The following TTC3 variants were observed in gnomAD, a reference collection of about 807,000 sequenced individuals.
TTC3 encodes E3 ubiquitin-protein ligase TTC3.
Under a neutral mutation model 249.6 loss-of-function variants are expected in TTC3, and 180 were observed. The ratio of observed to expected loss-of-function variants is 0.72; its 90% CI spans 0.64 to 0.82. The LOEUF is 0.82. TTC3 is among the 40% of genes least tolerant of loss of function. The pLI is 0.00. For missense variants in TTC3, 2,061 were observed against 2,398.4 expected, an observed-to-expected ratio of 0.86 and a Z score of 2.94; for synonymous variants, 717 against 805.0, an observed-to-expected ratio of 0.89 and a Z score of 1.85.
At chr21:37,128,849 C>T (rs1342816073) in intron 15 of TTC3, among the ~76,000 whole-genome samples, 154 bp from the exon 16 acceptor site, 1 of 151,838 alleles carries the variant, frequency 6.6e-6, no homozygotes, top group African/African-American at 2.4e-5. Context: ...TCATCAGTAG[C>T]TTCTTTTTTG....
intron 27 of TTC3, among the ~76,000 whole-genome samples, chr21:37,154,674 A>G (rs776204947): frequency 3.9e-5 from 6 of 152,114 alleles, no homozygotes; most frequent in Non-Finnish European, 8.8e-5. Context: ...GTCTTTTGAT[A>G]TAAACCATGT....
intron 22 of TTC3, 22 bp from the exon 23 acceptor site, chr21:37,148,524 A>T: frequency 1.4e-6 from 2 of 1,474,962 alleles, no homozygotes; most frequent in Non-Finnish European, 1.8e-6. Context: ...AACGTTAATT[A>T]AAAAATTTTT....
exon 2 of TTC3, chr21:37,087,303 T>C: frequency 6.2e-7 from 1 of 1,614,104 alleles, no homozygotes; most frequent in South Asian, 1.1e-5. Context: ...GGATTATGCC[T>C]TGTTAGAAGA....
chr21:37,115,943 G>T (rs142108939), intron 11 of TTC3, among the ~76,000 whole-genome samples: 2 of 152,090 alleles, frequency 1.3e-5, no homozygotes, highest in African/African-American at 4.8e-5. Context: ...CACTTCCTAC[G>T]CATTTCTTAT....
intron 10 of TTC3, among the ~76,000 whole-genome samples, chr21:37,104,416 C>G (rs1052922217): frequency 6.6e-6 from 1 of 151,868 alleles, no homozygotes; most frequent in African/African-American, 2.4e-5. Flanking sequence ...ATGGTGAAAC[C>G]CTTTCTCTAC....
At chr21:37,170,045 G>A (rs1340771016) in intron 34 of TTC3, among the ~76,000 whole-genome samples, 1 of 151,576 alleles carries the variant, frequency 6.6e-6, no homozygotes, top group Non-Finnish European at 1.5e-5. Context: ...AAGTATCCAG[G>A]AAAAAAACGG....
At chr21:37,179,706 G>A (rs1193193810) in intron 35 of TTC3, among the ~76,000 whole-genome samples, 2 of 151,884 alleles carry the variant, frequency 1.3e-5, no homozygotes, top group African/African-American at 4.8e-5. Flanking sequence ...GGGTCTCATT[G>A]TATTGCCAAG....
At chr21:37,164,883 C>T (rs2081110913) in intron 32 of TTC3, among the ~76,000 whole-genome samples, 1 of 152,134 alleles carries the variant, frequency 6.6e-6, no homozygotes, top group Non-Finnish European at 1.5e-5. Context: ...TCCTGGAAGT[C>T]CTGTCAGTAG....
chr21:37,102,501 T>C (rs958015708), intron 10 of TTC3, among the ~76,000 whole-genome samples: 1 of 152,172 alleles, frequency 6.6e-6, no homozygotes, highest in Non-Finnish European at 1.5e-5. Context: ...TTATTACTGA[T>C]GCAATTGGAG....
intron 11 of TTC3, among the ~76,000 whole-genome samples, chr21:37,118,913 A>T (rs1041844612): frequency 6.6e-6 from 1 of 152,110 alleles, no homozygotes; most frequent in Admixed American, 6.5e-5. Context: ...TTTCTTGCAT[A>T]TTTCATGTCT....
chr21:37,197,589 A>G, exon 43 of TTC3: 1 of 1,612,006 alleles, frequency 6.2e-7, no homozygotes, highest in Non-Finnish European at 8.5e-7. Context: ...TGCTGGTTTT[A>G]TTAAAAAAGT....
At chr21:37,154,934 A>C (rs567194491) in intron 27 of TTC3, among the ~76,000 whole-genome samples, 133 of 152,228 alleles carry the variant, frequency 8.7e-4, no homozygotes, top group African/African-American at 2.9e-3. Flanking sequence ...TGACCTCGTG[A>C]TCTGCCCACC....
At chr21:37,085,466 A>G (rs899924437) in intron 1 of TTC3, among the ~76,000 whole-genome samples, 3 of 152,218 alleles carry the variant, frequency 2.0e-5, no homozygotes, top group African/African-American at 7.2e-5. Context: ...TAGGAAACTG[A>G]CAGTGAATGA....
exon 33 of TTC3, chr21:37,166,376 C>T (rs769616589): frequency 5.6e-6 from 9 of 1,614,046 alleles, no homozygotes; most frequent in African/African-American, 1.3e-5. Context: ...TTTTGAGGGT[C>T]ATCATTTGAA....
At chr21:37,166,394 A>T in exon 33 of TTC3, 1 of 1,614,178 alleles carries the variant, frequency 6.2e-7, no homozygotes, top group South Asian at 1.1e-5. Context: ...GAATGCTGAG[A>T]ATGTTGCTGG....
intron 9 of TTC3, among the ~76,000 whole-genome samples, chr21:37,096,261 A>G (rs946317135): frequency 2.0e-5 from 3 of 152,334 alleles, no homozygotes; most frequent in East Asian, 1.9e-4. Context: ...AAGTAATCCT[A>G]TCCTCTAGAG....
At chr21:37,156,761 A>G (rs1435673807) in exon 28 of TTC3, 4 of 1,614,126 alleles carry the variant, frequency 2.5e-6, no homozygotes, top group Non-Finnish European at 3.4e-6. Flanking sequence ...GTCACAAACT[A>G]GACTCTATAG....
chr21:37,196,271 C>G (rs2084904539), intron 42 of TTC3, among the ~76,000 whole-genome samples: 1 of 136,174 alleles, frequency 7.3e-6, no homozygotes, highest in African/African-American at 2.8e-5. Flanking sequence ...GAGTCTCACT[C>G]TGTTGCCTAG....
In TTC3 at chr21:37,158,158, T is replaced by C. The variant is rs145715135; in HGVS notation, c.2992+1252T>C. 8.2e-5 allele frequency: 81 copies of C among 985,444 alleles called. No homozygotes were observed. The African/African-American group carries it at 1.3e-3, about 15-fold the overall frequency. The allele number at this position is 985,444 out of a possible 1,614,324, so 61.0% of individuals were successfully genotyped here. A position where few individuals can be genotyped will look rare whatever the true frequency, so the allele number is the denominator to read the frequency against. ...TACTGCTTCATGACTGAAGGTGACA[T>C]GCTACTTGATAGCCTGAATTTATTG... On this transcript the variant is annotated intron_variant, in intron 28 of 45. Transcript: ENST00000355666.
Sources: gnomAD v4.1 joint callset for allele counts (sites outside exome capture counted in the v4.1 genomes callset) on GRCh38, gnomAD v4.1.1 for gene constraint, MANE v1.5 for transcripts, NCBI Gene and HGNC (gene_info 2026-07-23, HGNC 2026-07-21) for gene names.